SETD2: variants seen among roughly 807,000 people sequenced by gnomAD.
The protein encoded by SETD2 is histone-lysine N-methyltransferase SETD2.
Under a neutral mutation model 242.1 loss-of-function variants are expected in SETD2, and 31 were observed. That is an observed-to-expected ratio of 0.13 (90% CI 0.10 to 0.17). The LOEUF (loss-of-function observed/expected upper bound fraction) is 0.17. Among genes scored for constraint, SETD2 ranks in the 10% least tolerant of loss-of-function variants. SETD2 has a pLI of 1.00. For missense variants in SETD2, 2,481 were observed against 3,046.3 expected (o/e 0.81, Z 4.37); for synonymous variants, 1,006 against 1,066.5 (o/e 0.94, Z 1.11).
intron 13 of SETD2, among the ~76,000 whole-genome samples, chr3:47,065,323 A>G (rs2040514747): frequency 6.6e-6 from 1 of 152,168 alleles, no homozygotes; most frequent in Non-Finnish European, 1.5e-5. Context: ...TCTTTAACCA[A>G]TAAGACTAAG....
chr3:47,131,984 G>A (rs2043488690), intron 1 of SETD2, among the ~76,000 whole-genome samples: 1 of 150,728 alleles, frequency 6.6e-6, no homozygotes, highest in Admixed American at 6.6e-5. Context: ...CACCATGCTG[G>A]CCAGGCTGGT....
intron 10 of SETD2, 73 bp downstream of exon 10, chr3:47,088,040 C>A (rs957562059): frequency 1.4e-6 from 2 of 1,405,060 alleles, no homozygotes; most frequent in Non-Finnish European, 1.9e-6. Context: ...AGAATTATTC[C>A]TTCTTCATTC....
At chr3:47,117,057 G>T (rs181721222) in intron 3 of SETD2, among the ~76,000 whole-genome samples, 18 of 151,884 alleles carry the variant, frequency 1.2e-4, no homozygotes, top group Admixed American at 1.1e-3. Flanking sequence ...TAGAGACAGG[G>T]TCTCTCTATG....
At chr3:47,018,694 T>C (rs961288330) in intron 19 of SETD2, among the ~76,000 whole-genome samples, 3 of 152,164 alleles carry the variant, frequency 2.0e-5, no homozygotes, top group Non-Finnish European at 2.9e-5. Flanking sequence ...CAGATAGGGA[T>C]TTCATTACCC....
At chr3:47,023,614 C>T (rs773843536) in intron 18 of SETD2, among the ~76,000 whole-genome samples, 3 of 152,004 alleles carry the variant, frequency 2.0e-5, no homozygotes, top group Non-Finnish European at 4.4e-5. Flanking sequence ...AAACTTAGTA[C>T]AGCTGGTGTT....
intron 17 of SETD2, among the ~76,000 whole-genome samples, chr3:47,038,661 A>C (rs1047953400): frequency 2.1e-4 from 32 of 152,162 alleles, no homozygotes; most frequent in African/African-American, 7.5e-4. Flanking sequence ...CCTCTGCTAA[A>C]AATATTCCCG....
At chr3:47,072,405 A>C (rs1368684323) in intron 12 of SETD2, among the ~76,000 whole-genome samples, 5 of 152,206 alleles carry the variant, frequency 3.3e-5, no homozygotes, top group Non-Finnish European at 7.4e-5. Flanking sequence ...TATTTTTGAA[A>C]ACTAAGACTA....
chr3:47,130,101 G>T (rs1052764561), intron 1 of SETD2, among the ~76,000 whole-genome samples: 1 of 152,118 alleles, frequency 6.6e-6, no homozygotes, highest in African/African-American at 2.4e-5. Flanking sequence ...TTGTTGAAGG[G>T]ATTAAGCCAT....
chr3:47,021,550 C>T (rs1379899506), intron 18 of SETD2, among the ~76,000 whole-genome samples: 1 of 152,116 alleles, frequency 6.6e-6, no homozygotes, highest in Non-Finnish European at 1.5e-5. Flanking sequence ...TAGGAGCTTT[C>T]TTGGTCCTCC....
intron 19 of SETD2, among the ~76,000 whole-genome samples, chr3:47,018,045 G>T (rs368944931): frequency 2.6e-5 from 4 of 152,202 alleles, no homozygotes; most frequent in East Asian, 1.9e-4. Flanking sequence ...TTCAGTCAAT[G>T]AATTTTGTGT....
rs2043173087 is a variant in SETD2, at chr3:47,123,120, T to C, written c.1516A>G (p.Arg506Gly). ...AGTTTTGAAGAATACTTGCCTCTTC[T>C]TTCCATCTCTAAGTAAGAGGTCTCA... is the stretch of plus-strand genomic sequence containing the variant. ...KTETSYLEME[R>G]RGKYSSKLER... The change falls in exon 3 of 21, where the codon AGA becomes GGA. Residue 506 changes from arginine (R) to glycine (G), a missense_variant. Transcript: ENST00000409792. The C allele has an allele frequency of 6.2e-7, 1 of 1,613,060 alleles. No individual in the cohort carries two copies. The highest frequency in any genetic ancestry group is 8.5e-7 in the Non-Finnish European group (1 of 1,179,176).
chr3:47,162,186 A>G (rs1466507586), intron 1 of SETD2, among the ~76,000 whole-genome samples: 11 of 152,180 alleles, frequency 7.2e-5, no homozygotes, highest in Admixed American at 7.2e-4. Context: ...CAACCTGGTA[A>G]AAGGAAGTGA....
chr3:47,086,184 T>C lies in SETD2; in HGVS notation c.5397+11A>G, dbSNP rs769461331. The C allele has an allele frequency of 6.2e-6, 10 of 1,611,644 alleles. No individual in the cohort carries two copies. The highest frequency in any genetic ancestry group is 1.3e-5 in the African/African-American group (1 of 74,974). ...AGTTTTAAGAAACAAGCAAGCTAAA[T>C]GTGAACTGACCTCTTCCTGAAGCTT... On this transcript the variant is annotated intron_variant, in intron 11 of 20. Transcript: ENST00000409792.
intron 1 of SETD2, among the ~76,000 whole-genome samples, chr3:47,158,784 T>C (rs545356481): frequency 6.6e-6 from 1 of 152,356 alleles, no homozygotes; most frequent in East Asian, 1.9e-4. Flanking sequence ...GTCACCTGCA[T>C]ATTTTATTAT....
chr3:47,022,204 C>CACACAT (rs1553674354), intron 18 of SETD2, among the ~76,000 whole-genome samples: 3 of 142,142 alleles, frequency 2.1e-5, no homozygotes, highest in Non-Finnish European at 4.8e-5. Flanking sequence ...CACACACACA[C>CACACAT]ACACACACAC....
At chr3:47,107,604 T>A (rs2042477229) in intron 5 of SETD2, among the ~76,000 whole-genome samples, 2 of 152,194 alleles carry the variant, frequency 1.3e-5, no homozygotes, top group East Asian at 1.9e-4. Flanking sequence ...CCCCAGAAGC[T>A]TATCATCTTG....
chr3:47,057,183 CAGG>C lies in SETD2; in HGVS notation c.6598_6600del (p.Pro2200del), dbSNP rs772400023. 9.3e-6 allele frequency: 15 copies of C among 1,614,042 alleles called. No homozygotes were observed. Among genetic ancestry groups the C allele is most frequent in the Non-Finnish European group, 1.3e-5 (15 of 1,180,014 alleles). ...AAGGGCTGAGCATGATCATAAGGAG[CAGG>C]AGAACACACTGGGTCCATGCTGGGT... On this transcript the variant is annotated inframe_deletion, in exon 15 of 21. Coordinates refer to ENST00000409792, the MANE Select transcript of SETD2 (RefSeq NM_014159.7).
rs375742555 is a variant in SETD2, at chr3:47,024,148, T to A, written c.7351-4308A>T. On this transcript the variant is annotated intron_variant, in intron 18 of 20. Transcript: ENST00000409792. ...TGAGGCCAGGAGTTTGAGATCAGCC[T>A]GGCCAAAAAAGCAAAACCCCATCTC... Among the ~76,000 whole-genome samples, 5 of 152,156 alleles carry A rather than the reference T, an allele frequency of 3.3e-5. No individual in the cohort carries two copies. In the South Asian group the frequency reaches 6.2e-4, roughly 19 times the overall value.
intron 15 of SETD2, among the ~76,000 whole-genome samples, chr3:47,054,987 T>G (rs926845968): frequency 3.9e-5 from 6 of 152,170 alleles, no homozygotes; most frequent in Admixed American, 1.3e-4. Context: ...CCCATCACAG[T>G]GGTCCCCATA....
Sources: allele counts gnomAD v4.1 joint callset (sites outside exome capture counted in the v4.1 genomes callset), GRCh38; gene constraint gnomAD v4.1.1; transcripts MANE v1.5; gene names NCBI Gene and HGNC (gene_info 2026-07-23, HGNC 2026-07-21).